TTC8: variants seen among roughly 807,000 people sequenced by gnomAD.
The protein encoded by TTC8 is tetratricopeptide repeat protein 8.
TTC8 carries 47 observed loss-of-function variants against 72.5 expected under a neutral mutation model. The ratio of observed to expected loss-of-function variants is 0.65; its 90% CI spans 0.51 to 0.83. The LOEUF is 0.83. Among genes scored for constraint, TTC8 ranks in the 40% least tolerant of loss-of-function variants. The pLI is 0.00. For synonymous variants in TTC8, 199 were observed against 221.4 expected, an observed-to-expected ratio of 0.90 and a Z score of 0.90; for missense variants, 611 against 623.2, an observed-to-expected ratio of 0.98 and a Z score of 0.21.
chr14:88,866,382 A>AACACAAAC (rs1555394029), intron 10 of TTC8, among the ~76,000 whole-genome samples: 1 of 146,576 alleles, frequency 6.8e-6, no homozygotes, highest in Non-Finnish European at 1.5e-5. Flanking sequence ...GGGAGATTTA[A>AACACAAAC]ACACACACAC....
intron 2 of TTC8, among the ~76,000 whole-genome samples, chr14:88,837,911 GT>G (rs1396469139): frequency 6.6e-6 from 1 of 151,774 alleles, no homozygotes; most frequent in Non-Finnish European, 1.5e-5. Context: ...AAATAAGTTA[GT>G]TTTTTGAGTC....
At chr14:88,845,389 T>C (rs1426859995) in intron 7 of TTC8, among the ~76,000 whole-genome samples, 1 of 152,158 alleles carries the variant, frequency 6.6e-6, no homozygotes, top group Non-Finnish European at 1.5e-5. Context: ...GAGCTTGAAA[T>C]GACAAAAGGC....
At chr14:88,834,002 TAAAG>T in intron 2 of TTC8, 1 of 449,936 alleles carries the variant, frequency 2.2e-6, no homozygotes, top group Non-Finnish European at 4.0e-6. Flanking sequence ...ATATGAAAAA[TAAAG>T]AAGGAGGTGA....
At chr14:88,826,940 T>C (rs2094704340) in intron 1 of TTC8, among the ~76,000 whole-genome samples, 1 of 152,138 alleles carries the variant, frequency 6.6e-6, no homozygotes, top group South Asian at 2.1e-4. Flanking sequence ...TCTGAGTAGT[T>C]TTGAAGAAAA....
intron 1 of TTC8, among the ~76,000 whole-genome samples, chr14:88,827,117 T>A (rs1469567312): frequency 2.0e-5 from 3 of 151,986 alleles, no homozygotes; most frequent in Admixed American, 1.3e-4. Context: ...AAAGCAGCAA[T>A]ATTTTTATTA....
intron 1 of TTC8, among the ~76,000 whole-genome samples, chr14:88,827,157 T>A: frequency 6.6e-6 from 1 of 152,138 alleles, no homozygotes; most frequent in African/African-American, 2.4e-5. Flanking sequence ...CTTGAGTTCA[T>A]AGTGACATTC....
At position 88,877,681 on chromosome 14, in the gene TTC8, G is replaced by A. The variant is rs2094962847; in HGVS notation, c.*271G>A. On this transcript the variant is annotated 3_prime_UTR_variant, in exon 15 of 15. Transcript: ENST00000380656. ...CTCTCACATTATATAGTAGATGTTT[G>A]TTTATAATGTTTACAAAACATTTTG... is the stretch of plus-strand genomic sequence containing the variant. 4.3e-6 allele frequency: 1 copy of A among 232,906 alleles called. No individual in the cohort carries two copies. The highest frequency in any genetic ancestry group is 8.4e-6 in the Non-Finnish European group (1 of 118,882). The allele number at this position is 232,906 out of a possible 1,614,324, so 14.4% of individuals were successfully genotyped here. A position where few individuals can be genotyped will look rare whatever the true frequency, so the allele number is the denominator to read the frequency against.
chr14:88,874,895 T>C, intron 13 of TTC8, 131 bp from the exon 14 acceptor site: 1 of 625,982 alleles, frequency 1.6e-6, no homozygotes, highest in Non-Finnish European at 2.7e-6. Flanking sequence ...GTTGTCGGTA[T>C]TTATCACAGG....
At chr14:88,824,953 G>A in intron 1 of TTC8, 132 bp downstream of exon 1, 2 of 826,052 alleles carry the variant, frequency 2.4e-6, no homozygotes, top group Non-Finnish European at 4.1e-6. Context: ...CCTCGGAGGC[G>A]CCCGGAGCGA....
chr14:88,847,172 A>C (rs2094810718), intron 7 of TTC8, among the ~76,000 whole-genome samples: 1 of 152,218 alleles, frequency 6.6e-6, no homozygotes, highest in Non-Finnish European at 1.5e-5. Context: ...GCTAATTTTC[A>C]GGCAGGATTG....
intron 8 of TTC8, among the ~76,000 whole-genome samples, chr14:88,854,045 A>G (rs1000941435): frequency 1.3e-5 from 2 of 152,186 alleles, no homozygotes; most frequent in Non-Finnish European, 2.9e-5. Context: ...AATTAAGACT[A>G]CTTTCCATTT....
In TTC8 at chr14:88,871,013, G is replaced by A. The variant is rs1480036492; in HGVS notation, c.1050-536G>A. 1.3e-5 allele frequency among the ~76,000 whole-genome samples: 2 copies of A among 152,216 alleles called. No homozygotes were observed. The highest frequency in any genetic ancestry group is 2.9e-5 in the Non-Finnish European group (2 of 68,042). On this transcript the variant is annotated intron_variant, in intron 11 of 14. Coordinates refer to ENST00000380656, the MANE Select transcript of TTC8 (RefSeq NM_144596.4). The surrounding 1 kb of genome is among the most constrained non-coding windows in gnomAD (Gnocchi z 4.1). ...TAGAAGCAAATGGGGCTCTTGAGCT[G>A]CAGTGTGAGAGCTAAGTGGATAATG... is the stretch of plus-strand genomic sequence containing the variant.
chr14:88,868,169 T>C (rs111394752), intron 10 of TTC8, among the ~76,000 whole-genome samples: 1 of 152,330 alleles, frequency 6.6e-6, no homozygotes, highest in African/African-American at 2.4e-5. Flanking sequence ...TAATCTACCC[T>C]GTCACAAACA....
chr14:88,849,891 T>A (rs1396015325), intron 7 of TTC8, among the ~76,000 whole-genome samples: 1 of 152,208 alleles, frequency 6.6e-6, no homozygotes, highest in Non-Finnish European at 1.5e-5. Flanking sequence ...GCATGTGGGT[T>A]GGTGATTCTG....
chr14:88,847,153 G>A (rs924033313), intron 7 of TTC8, among the ~76,000 whole-genome samples: 1 of 152,100 alleles, frequency 6.6e-6, no homozygotes, highest in African/African-American at 2.4e-5. Context: ...TAAAAGCTCC[G>A]CAGGCAATGC....
chr14:88,825,159 GCT>G (rs1157131238), intron 1 of TTC8, among the ~76,000 whole-genome samples: 1 of 152,230 alleles, frequency 6.6e-6, no homozygotes, highest in East Asian at 1.9e-4. Flanking sequence ...TGGGCTTTAA[GCT>G]CTCAGCGTGT....
intron 7 of TTC8, among the ~76,000 whole-genome samples, chr14:88,848,836 C>CT (rs1022893198): frequency 6.6e-6 from 1 of 151,976 alleles, no homozygotes; most frequent in Non-Finnish European, 1.5e-5. Context: ...TGTTGAATGC[C>CT]TATGTTGTAC....
chr14:88,870,255 T>A, intron 11 of TTC8, 57 bp downstream of exon 11: 1 of 1,570,896 alleles, frequency 6.4e-7, no homozygotes, highest in East Asian at 2.2e-5. Context: ...GATAAAATAA[T>A]AAGAAAGATG....
chr14:88,870,160 C>G lies in TTC8; in HGVS notation c.1011C>G (p.Phe337Leu). Residue 337 changes from phenylalanine to leucine, a missense_variant, in exon 11 of 15, where the codon TTC (phenylalanine) becomes TTG (leucine). Phe to Leu is a conservative substitution (Grantham distance 22). Transcript: ENST00000380656. ...TCGCATGCATTGGAAGCAACCACTT[C>G]TATTCTGATCAGCCAGAAATAGCTC... The part of the protein sequence containing the change: ...EAIACIGSNH[F>L]YSDQPEIALR... 6.2e-7 allele frequency: 1 copy of G among 1,614,158 alleles called. No individual in the cohort carries two copies. Among genetic ancestry groups the G allele is most frequent in the Non-Finnish European group, 8.5e-7 (1 of 1,180,002 alleles).
Sources: allele counts gnomAD v4.1 joint callset (sites outside exome capture counted in the v4.1 genomes callset), GRCh38; gene constraint gnomAD v4.1.1; non-coding constraint Gnocchi (gnomAD v3.1); transcripts MANE v1.5; gene names NCBI Gene and HGNC (gene_info 2026-07-23, HGNC 2026-07-21).